Variants in KDM4B observed in about 807,000 individuals in gnomAD.
KDM4B encodes lysine demethylase 4B.
A neutral mutation model predicts 125.2 loss-of-function variants in KDM4B; 32 were observed. That is an observed-to-expected ratio of 0.26 (90% CI 0.19 to 0.34). The LOEUF is 0.34. Among genes scored for constraint, KDM4B ranks in the 10% least tolerant of loss-of-function variants. The pLI is 1.00. For missense variants in KDM4B, 1,190 were observed against 1,577.7 expected, an observed-to-expected ratio of 0.75 and a Z score of 4.16; for synonymous variants, 721 against 677.9, an observed-to-expected ratio of 1.06 and a Z score of -0.99.
chr19:5,095,043 C>T (rs1182577000), intron 9 of KDM4B, among the ~76,000 whole-genome samples: 1 of 152,142 alleles, frequency 6.6e-6, no homozygotes, highest in Non-Finnish European at 1.5e-5. Flanking sequence ...CATAGATGTC[C>T]TGTCGGCAGC....
intron 9 of KDM4B, among the ~76,000 whole-genome samples, chr19:5,092,673 G>A (rs1016171212): frequency 2.0e-5 from 3 of 152,168 alleles, no homozygotes; most frequent in Admixed American, 6.5e-5. Flanking sequence ...GTCTGCTTAC[G>A]GGGTCAGGCA....
intron 1 of KDM4B, among the ~76,000 whole-genome samples, chr19:4,999,033 C>G (rs2145418633): frequency 6.6e-6 from 1 of 152,274 alleles, no homozygotes; most frequent in African/African-American, 2.4e-5. Flanking sequence ...CCATTTGCAT[C>G]TCATGGGGAG....
chr19:5,111,341 G>A (rs572417967), intron 10 of KDM4B: 66 of 752,572 alleles, frequency 8.8e-5, no homozygotes, highest in South Asian at 6.8e-4. Flanking sequence ...GGCCGGCCCC[G>A]GGGCGTGACC....
Position 5,033,004 on chromosome 19 carries a change from G to A in KDM4B, c.114G>A (p.Gln38=). 6.2e-7 allele frequency: 1 copy of A among 1,613,888 alleles called. No individual in the cohort carries two copies. The highest frequency in any genetic ancestry group is 8.5e-7 in the Non-Finnish European group (1 of 1,180,000). The change falls in exon 3 of 23, where the codon CAG becomes CAA. Residue 38 remains glutamine (Q), a synonymous_variant. Transcript: ENST00000159111. The stretch of plus-strand genomic sequence containing the variant: ...AATACGTGGCCTACATAGAGTCGCA[G>A]GGAGCCCACCGGGCGGGCCTGGCCA... The part of the protein sequence containing the change: ...FNKYVAYIES[Q]GAHRAGLAKI...
At chr19:4,999,826 C>T (rs2035315837) in intron 1 of KDM4B, among the ~76,000 whole-genome samples, 1 of 144,012 alleles carries the variant, frequency 6.9e-6, no homozygotes, top group Admixed American at 6.9e-5. Context: ...CCCGTCCACC[C>T]ACCCACCGAC....
intron 2 of KDM4B, among the ~76,000 whole-genome samples, chr19:5,028,457 T>C (rs1346970339): frequency 1.3e-5 from 2 of 152,190 alleles, no homozygotes; most frequent in Non-Finnish European, 2.9e-5. Flanking sequence ...GGATGGGCCA[T>C]GTTGTGTTGA....
In KDM4B at chr19:4,997,797, C is replaced by T. The variant is rs1029805184; in HGVS notation, c.-108-18460C>T. 3.9e-5 allele frequency among the ~76,000 whole-genome samples: 6 copies of T among 152,200 alleles called. No individual in the cohort carries two copies. Among genetic ancestry groups the T allele is most frequent in the South Asian group, 2.1e-4 (1 of 4,824 alleles). On this transcript the variant is annotated intron_variant, in intron 1 of 22. Coordinates refer to ENST00000159111, the MANE Select transcript of KDM4B (RefSeq NM_015015.3). The surrounding 1 kb of genome is among the most constrained non-coding windows in gnomAD (Gnocchi z 4.2). ...TTACTGTCTGGTCTGTTCCAAAGGC[C>T]GCAGGCCCCAGAAAGACGGTGACAC... is the stretch of plus-strand genomic sequence containing the variant.
chr19:5,151,337 A>T lies in KDM4B; in HGVS notation c.3117A>T (p.Ser1039=), dbSNP rs1477614704. The part of the protein sequence containing the change: ...ELPKRVRSRL[S]LSTGAPQEPA... ...ACTGTGCTTCCGCTCTCCCGCAGTCACTGAGCACGGGGGCACCGCAGGAGC... is the reference window on the plus strand; with the variant it reads ...ACTGTGCTTCCGCTCTCCCGCAGTCTCTGAGCACGGGGGCACCGCAGGAGC... The change falls in exon 23 of 23, where the codon TCA becomes TCT. Residue 1039 remains serine (S), a splice_region_variant and synonymous_variant. Coordinates refer to ENST00000159111, the MANE Select transcript of KDM4B (RefSeq NM_015015.3). The T allele has an allele frequency of 1.9e-6, 3 of 1,542,140 alleles. No individual in the cohort carries two copies. The highest frequency in any genetic ancestry group is 2.6e-6 in the Non-Finnish European group (3 of 1,144,100).
At chr19:5,037,497 C>T (rs1435842818) in intron 3 of KDM4B, among the ~76,000 whole-genome samples, 1 of 152,200 alleles carries the variant, frequency 6.6e-6, no homozygotes, top group Non-Finnish European at 1.5e-5. Flanking sequence ...CAGCCTGTGC[C>T]AGGGACAGGT....
intron 2 of KDM4B, among the ~76,000 whole-genome samples, chr19:5,029,373 C>T (rs543148549): frequency 3.9e-5 from 6 of 152,366 alleles, no homozygotes; most frequent in African/African-American, 1.4e-4. Flanking sequence ...CTGTCTGCCA[C>T]ATTCCTGGTG....
chr19:4,973,381 G>A (rs966952484), intron 1 of KDM4B, among the ~76,000 whole-genome samples: 4 of 151,986 alleles, frequency 2.6e-5, no homozygotes, highest in Non-Finnish European at 4.4e-5. Flanking sequence ...TAGACACGGG[G>A]TTTCACCATG....
intron 1 of KDM4B, among the ~76,000 whole-genome samples, chr19:4,976,504 A>G (rs974680399): frequency 5.9e-5 from 9 of 152,184 alleles, no homozygotes; most frequent in South Asian, 2.1e-4. Context: ...ACTCGGCCCA[A>G]GGAGTTCAGT....
chr19:4,987,437 G>A (rs918702360), intron 1 of KDM4B, among the ~76,000 whole-genome samples: 3 of 152,088 alleles, frequency 2.0e-5, no homozygotes, highest in Non-Finnish European at 2.9e-5. Flanking sequence ...GAATCTGTCT[G>A]GGAGGAGGGG....
At chr19:5,052,955 C>G (rs1454497923) in intron 6 of KDM4B, among the ~76,000 whole-genome samples, 1 of 152,242 alleles carries the variant, frequency 6.6e-6, no homozygotes, top group Non-Finnish European at 1.5e-5. Context: ...CCTCAGTGAC[C>G]TGGGGCATTC....
Position 5,035,986 on chromosome 19 carries a change from G to A in KDM4B, c.141+2955G>A, listed in dbSNP as rs995776878. 1.3e-5 allele frequency among the ~76,000 whole-genome samples: 2 copies of A among 152,100 alleles called. No homozygotes were observed. Among genetic ancestry groups the A allele is most frequent in the Admixed American group, 1.3e-4 (2 of 15,272 alleles). On this transcript the variant is annotated intron_variant, in intron 3 of 22. Coordinates refer to ENST00000159111, the MANE Select transcript of KDM4B (RefSeq NM_015015.3). This position sits in a 1 kb window ranked among gnomAD's most constrained non-coding sequence, Gnocchi z 5.3. ...CAGAGTCACGTTGGCACCCGCATGTGGCACACGCACACCCCCTTCTGCAGC... is the reference window on the plus strand; with the variant it reads ...CAGAGTCACGTTGGCACCCGCATGTAGCACACGCACACCCCCTTCTGCAGC...
At chr19:5,094,544 T>C (rs1291479823) in intron 9 of KDM4B, among the ~76,000 whole-genome samples, 4 of 144,232 alleles carry the variant, frequency 2.8e-5, no homozygotes, top group South Asian at 2.2e-4. Context: ...TAGACGGGCA[T>C]GGGGTCTGTG....
intron 1 of KDM4B, among the ~76,000 whole-genome samples, chr19:4,998,450 A>G (rs2145416103): frequency 6.6e-6 from 1 of 152,296 alleles, no homozygotes; most frequent in African/African-American, 2.4e-5. Flanking sequence ...ATGTGGCGAC[A>G]TTCCCTGCTT....
chr19:5,006,039 G>A (rs2035547037), intron 1 of KDM4B, among the ~76,000 whole-genome samples: 1 of 152,176 alleles, frequency 6.6e-6, no homozygotes, highest in African/African-American at 2.4e-5. Context: ...GGGCTCATGG[G>A]TAGGGGACAG....
chr19:5,084,957 C>T (rs1459421008), intron 9 of KDM4B, among the ~76,000 whole-genome samples: 3 of 151,688 alleles, frequency 2.0e-5, no homozygotes, highest in Non-Finnish European at 2.9e-5. Context: ...CCACCCACCT[C>T]GGCCTCGAAA....
Sources: allele counts gnomAD v4.1 joint callset (sites outside exome capture counted in the v4.1 genomes callset), GRCh38; gene constraint gnomAD v4.1.1; non-coding constraint Gnocchi (gnomAD v3.1); transcripts MANE v1.5; gene names NCBI Gene and HGNC (gene_info 2026-07-23, HGNC 2026-07-21).